Variants in THRB observed in about 807,000 individuals in gnomAD.
THRB encodes nuclear receptor subfamily 1 group A member 2.
Under a neutral mutation model 47.8 loss-of-function variants are expected in THRB, and 12 were observed. That is an observed-to-expected ratio of 0.25 (90% confidence interval 0.16 to 0.41). THRB has a LOEUF of 0.41. Among genes scored for constraint, THRB ranks in the 10% least tolerant of loss-of-function variants. The pLI, the probability that THRB is intolerant of heterozygous loss-of-function variation, is 1.00. For missense variants in THRB, 348 were observed against 589.2 expected (o/e 0.59, Z 4.24); for synonymous variants, 218 against 212.2 (o/e 1.03, Z -0.24).
intron 1 of THRB, among the ~76,000 whole-genome samples, chr3:24,343,564 A>G (rs1296592541): frequency 6.6e-6 from 1 of 152,166 alleles, no homozygotes; most frequent in East Asian, 1.9e-4. Context: ...TGTTTCCAAG[A>G]TACCATAACA....
chr3:24,195,951 GT>G (rs1308988711), intron 4 of THRB, among the ~76,000 whole-genome samples: 2 of 152,182 alleles, frequency 1.3e-5, no homozygotes, highest in African/African-American at 4.8e-5. Flanking sequence ...TGTTTTGTCT[GT>G]CCTCACTGGA....
chr3:24,405,255 T>C (rs1414547443), intron 1 of THRB, among the ~76,000 whole-genome samples: 2 of 151,960 alleles, frequency 1.3e-5, no homozygotes, highest in African/African-American at 4.8e-5. Context: ...ATTGCAGGCG[T>C]TGGCACGCTA....
intron 1 of THRB, among the ~76,000 whole-genome samples, chr3:24,484,677 A>G (rs2125908550): frequency 6.6e-6 from 1 of 152,286 alleles, no homozygotes; most frequent in Non-Finnish European, 1.5e-5. Context: ...TTATTGGCAC[A>G]CAGCCACACC....
At chr3:24,404,472 C>T (rs1280993483) in intron 1 of THRB, among the ~76,000 whole-genome samples, 1 of 151,748 alleles carries the variant, frequency 6.6e-6, no homozygotes, top group Non-Finnish European at 1.5e-5. Context: ...TCACATACTT[C>T]AACAAAAAAG....
At chr3:24,183,815 G>C (rs1208265644) in intron 5 of THRB, among the ~76,000 whole-genome samples, 1 of 151,548 alleles carries the variant, frequency 6.6e-6, no homozygotes, top group Admixed American at 6.6e-5. Flanking sequence ...AATTTTCCCT[G>C]AGCTGATGAT....
intron 5 of THRB, among the ~76,000 whole-genome samples, chr3:24,156,986 C>T (rs1213746360): frequency 6.6e-6 from 1 of 152,144 alleles, no homozygotes; most frequent in African/African-American, 2.4e-5. Flanking sequence ...TAATCTTTAA[C>T]CCTGTGATAG....
At chr3:24,312,470 C>CTAAG (rs1392346429) in intron 2 of THRB, among the ~76,000 whole-genome samples, 3 of 152,148 alleles carry the variant, frequency 2.0e-5, no homozygotes, top group Non-Finnish European at 4.4e-5. Context: ...GGTGAAAGAG[C>CTAAG]TAAGTTTTGA....
chr3:24,261,518 ACC>A lies in THRB; in HGVS notation c.-42-32519_-42-32518del, dbSNP rs796471121. On this transcript the variant is annotated intron_variant, in intron 3 of 10. Coordinates refer to ENST00000646209, the MANE Select transcript of THRB (RefSeq NM_001354712.2). Reference sequence around the variant, plus strand: ...GTCTCAAAAAAAAAAAAAAAAAAAAACCAAAAAAAACTCTCTAGATCCCACTA... The same window carrying A: ...GTCTCAAAAAAAAAAAAAAAAAAAAAAAAAAAAACTCTCTAGATCCCACTA... Among the ~76,000 whole-genome samples the A allele has an allele frequency of 8.5e-3, 1,092 of 128,230 alleles. 20 individuals are homozygous for A. The highest frequency in any genetic ancestry group is 0.034 in the African/African-American group (1,020 of 29,968). 84.1% of individuals were successfully genotyped at this position (128,230 alleles called of 152,430 possible). A position where few individuals can be genotyped will look rare whatever the true frequency, so the allele number is the denominator to read the frequency against.
intron 1 of THRB, among the ~76,000 whole-genome samples, chr3:24,472,743 A>G (rs1694891885): frequency 6.6e-6 from 1 of 152,196 alleles, no homozygotes; most frequent in Admixed American, 6.5e-5. Context: ...AATGGAAGGG[A>G]ACACTATTCA....
intron 5 of THRB, among the ~76,000 whole-genome samples, chr3:24,167,654 T>C (rs1020636948): frequency 6.6e-6 from 1 of 152,120 alleles, no homozygotes; most frequent in African/African-American, 2.4e-5. Context: ...CAAAGTCTCT[T>C]TTTCTGGTTA....
intron 1 of THRB, among the ~76,000 whole-genome samples, chr3:24,461,964 C>G (rs1234313718): frequency 6.6e-6 from 1 of 152,060 alleles, no homozygotes; most frequent in Non-Finnish European, 1.5e-5. Flanking sequence ...GTTCATGATA[C>G]ATTTAGTGAA....
intron 1 of THRB, among the ~76,000 whole-genome samples, chr3:24,465,887 T>G (rs10865796): frequency 0.31 from 47,550 of 151,984 alleles, 7,483 homozygotes; most frequent in East Asian, 0.36. Flanking sequence ...TGGCTTAAAA[T>G]GTCAAATAAT....
chr3:24,308,421 A>C (rs1443312101), intron 2 of THRB, among the ~76,000 whole-genome samples: 1 of 152,214 alleles, frequency 6.6e-6, no homozygotes, highest in African/African-American at 2.4e-5. Context: ...TTGAGGTCCT[A>C]CTATGTAAAA....
chr3:24,290,402 C>T (rs568582758), intron 3 of THRB, among the ~76,000 whole-genome samples: 1 of 152,192 alleles, frequency 6.6e-6, no homozygotes, highest in African/African-American at 2.4e-5. Flanking sequence ...TGAATTAACA[C>T]GGGAGACATC....
intron 1 of THRB, among the ~76,000 whole-genome samples, chr3:24,404,745 A>C (rs2067686943): frequency 6.6e-6 from 1 of 151,960 alleles, no homozygotes. Flanking sequence ...GTAAAGAAAC[A>C]TTAGAAACAT....
intron 1 of THRB, among the ~76,000 whole-genome samples, chr3:24,345,676 C>T (rs1457673575): frequency 6.6e-6 from 1 of 151,986 alleles, no homozygotes; most frequent in African/African-American, 2.4e-5. Context: ...TATTATTATG[C>T]TGGCCCAGGG....
intron 4 of THRB, among the ~76,000 whole-genome samples, chr3:24,216,117 G>A (rs6772532): frequency 0.069 from 10,463 of 152,188 alleles, 1,089 homozygotes; most frequent in African/African-American, 0.23. Context: ...TAAAAATCCA[G>A]TCAGAGTCAA....
chr3:24,493,912 CCCAAATGAGT>C (rs1204273289), intron 1 of THRB, among the ~76,000 whole-genome samples: 1 of 152,202 alleles, frequency 6.6e-6, no homozygotes, highest in Non-Finnish European at 1.5e-5. Context: ...TGAAAATTCC[CCCAAATGAGT>C]CCTTCTCCGA....
intron 5 of THRB, among the ~76,000 whole-genome samples, chr3:24,189,533 T>G (rs567055568): frequency 6.6e-6 from 1 of 152,282 alleles, no homozygotes; most frequent in South Asian, 2.1e-4. Context: ...TTTTTTGCCT[T>G]ATGAGCTGAC....
Sources: allele counts gnomAD v4.1 joint callset (sites outside exome capture counted in the v4.1 genomes callset), GRCh38; gene constraint gnomAD v4.1.1; transcripts MANE v1.5; gene names NCBI Gene and HGNC (gene_info 2026-07-23, HGNC 2026-07-21).